The following PDXDC1 variants were observed in gnomAD, a reference collection of about 807,000 sequenced individuals.
The protein encoded by PDXDC1 is pyridoxal dependent decarboxylase domain containing 1.
A neutral mutation model predicts 100.1 loss-of-function variants in PDXDC1; 42 were observed. That is an observed-to-expected ratio of 0.42 (90% CI 0.33 to 0.54). The LOEUF is 0.54. Ranked by LOEUF, PDXDC1 falls within the 20% of genes least tolerant of loss-of-function variation. The pLI is 0.10. For synonymous variants in PDXDC1, 260 were observed against 371.7 expected (o/e 0.70, Z 3.46); for missense variants, 636 against 979.2 (o/e 0.65, Z 4.68).
intron 16 of PDXDC1, chr16:15,125,905 C>G: frequency 1.5e-6 from 1 of 686,542 alleles, no homozygotes; most frequent in East Asian, 2.7e-5. Context: ...GAGCCCGGTG[C>G]CATCTGACAG....
intron 8 of PDXDC1, among the ~76,000 whole-genome samples, chr16:15,014,040 C>T (rs1429084147): frequency 1.3e-5 from 2 of 152,248 alleles, no homozygotes; most frequent in Non-Finnish European, 2.9e-5. Flanking sequence ...AACCCTGTCT[C>T]TACTAAAAAT....
intron 1 of PDXDC1, chr16:14,975,604 G>A (rs1406597358): frequency 4.1e-6 from 4 of 985,430 alleles, no homozygotes; most frequent in African/African-American, 1.7e-5. Flanking sequence ...GAAAGAAGCC[G>A]CAGTTATTTC....
At chr16:15,055,501 C>T (rs2044472851) in intron 16 of PDXDC1, among the ~76,000 whole-genome samples, 1 of 152,218 alleles carries the variant, frequency 6.6e-6, no homozygotes, top group Admixed American at 6.5e-5. Context: ...GACGAAGCAA[C>T]GTTCACCGCA....
At chr16:15,104,200 A>C in intron 16 of PDXDC1, 1 of 948,094 alleles carries the variant, frequency 1.1e-6, no homozygotes, top group Non-Finnish European at 1.4e-6. Context: ...ATAATATTTT[A>C]CATAACCAAC....
At chr16:15,060,410 A>G (rs2044669487) in intron 16 of PDXDC1, 1 of 184,226 alleles carries the variant, frequency 5.4e-6, no homozygotes, top group African/African-American at 2.4e-5. Context: ...CAAACTCTAC[A>G]TTGCCATCAA....
chr16:15,007,083 G>A (rs1388448440), intron 6 of PDXDC1, among the ~76,000 whole-genome samples: 10 of 144,400 alleles, frequency 6.9e-5, no homozygotes, highest in African/African-American at 2.3e-4. Flanking sequence ...AGCTCTTCCT[G>A]TATTTTATTT....
At chr16:15,064,367 G>A (rs528820331) in intron 16 of PDXDC1, among the ~76,000 whole-genome samples, 32 of 152,170 alleles carry the variant, frequency 2.1e-4, no homozygotes, top group African/African-American at 4.3e-4. Flanking sequence ...TAAAGACAGC[G>A]TTTCACCATC....
chr16:15,027,280 C>A (rs2042681709), intron 14 of PDXDC1, among the ~76,000 whole-genome samples: 1 of 152,294 alleles, frequency 6.6e-6, no homozygotes, highest in African/African-American at 2.4e-5. Context: ...CAGTGCCCCG[C>A]TGCTGCTCAG....
At chr16:15,109,034 T>G (rs1031186011) in intron 16 of PDXDC1, 1 of 110,120 alleles carries the variant, frequency 9.1e-6, no homozygotes, top group African/African-American at 3.0e-5. Context: ...GCAGCCTGTA[T>G]GGAGGACCCC....
chr16:15,149,703 C>T, the PDXDC1 span, among the ~76,000 whole-genome samples: 3 of 152,176 alleles, frequency 2.0e-5, no homozygotes, highest in Non-Finnish European at 4.4e-5. Flanking sequence ...CCAAGTCCCT[C>T]GATGTGCCCA....
intron 16 of PDXDC1, chr16:15,047,931 A>G (rs376562617): frequency 1.8e-4 from 285 of 1,612,288 alleles, no homozygotes; most frequent in Non-Finnish European, 2.3e-4. Context: ...CTGTTTAAAA[A>G]AGAAATAAAA....
chr16:15,122,187 AG>A (rs2047456131), intron 16 of PDXDC1, among the ~76,000 whole-genome samples: 2 of 152,132 alleles, frequency 1.3e-5, no homozygotes, highest in East Asian at 3.9e-4. Context: ...CAAACAAAAA[AG>A]TCATCAAACC....
At chr16:15,101,554 CCT>C (rs1474595996) in intron 16 of PDXDC1, among the ~76,000 whole-genome samples, 2 of 150,842 alleles carry the variant, frequency 1.3e-5, no homozygotes, top group Non-Finnish European at 3.0e-5. Flanking sequence ...TCTACTAAAC[CCT>C]GTCTCTACTA....
rs2046151341 is a variant in PDXDC1, at chr16:15,092,030, T to A, written c.1400-46849T>A. ...TGCCTCTACTAAAAAAATAAAAAAA[T>A]TAGCCAGGTGTGGTGGTGTGTGCCT... On this transcript the variant is annotated intron_variant, in intron 16 of 16. Transcript: ENST00000535621. Among the ~76,000 whole-genome samples, 3 of 151,940 alleles carry A rather than the reference T, an allele frequency of 2.0e-5. No homozygotes were observed. The South Asian group carries it at 6.2e-4, about 32-fold the overall frequency.
intron 16 of PDXDC1, chr16:15,133,350 C>T (rs1373638459): frequency 2.9e-5 from 33 of 1,123,000 alleles, no homozygotes; most frequent in Middle Eastern, 2.8e-4. Flanking sequence ...AGCACACTAG[C>T]GGTGAGCCCG....
intron 15 of PDXDC1, 76 bp downstream of exon 15, chr16:15,029,042 G>T: frequency 6.6e-7 from 1 of 1,506,246 alleles, no homozygotes; most frequent in East Asian, 2.4e-5. Context: ...AGGGTGACGC[G>T]TGCTCGTGTA....
chr16:15,033,199 C>T, intron 18 of PDXDC1, 79 bp from the exon 19 acceptor site: 5 of 1,510,984 alleles, frequency 3.3e-6, no homozygotes, highest in East Asian at 2.3e-5. Context: ...GTGGTCAGGA[C>T]CCTGAACAGG....
chr16:15,132,408 C>G (rs1443340517), intron 16 of PDXDC1, among the ~76,000 whole-genome samples: 1 of 31,616 alleles, frequency 3.2e-5, no homozygotes, highest in Non-Finnish European at 6.3e-5. Flanking sequence ...AGGGAAGGGG[C>G]AGGGGAGGGG....
intron 16 of PDXDC1, chr16:15,072,863 A>C: frequency 1.5e-6 from 2 of 1,315,222 alleles, no homozygotes; most frequent in Non-Finnish European, 2.1e-6. Context: ...TATTTACTTC[A>C]TGGTCTCCGT....
Sources: gnomAD v4.1 joint callset for allele counts (sites outside exome capture counted in the v4.1 genomes callset) on GRCh38, gnomAD v4.1.1 for gene constraint, MANE v1.5 for transcripts, NCBI Gene and HGNC (gene_info 2026-07-23, HGNC 2026-07-21) for gene names.